MAGI2: variants seen among roughly 807,000 people sequenced by gnomAD.
The protein encoded by MAGI2 is membrane associated guanylate kinase, WW and PDZ domain containing 2, also known as membrane-associated guanylate kinase, WW and PDZ domain-containing protein 2.
Under a neutral mutation model 133.3 loss-of-function variants are expected in MAGI2, and 35 were observed. The ratio of observed to expected loss-of-function variants is 0.26; its 90% CI spans 0.20 to 0.35. The LOEUF (loss-of-function observed/expected upper bound fraction) is 0.35. Ranked by LOEUF, MAGI2 falls within the 10% of genes least tolerant of loss-of-function variation. MAGI2 has a pLI of 1.00. For missense variants in MAGI2, 1,636 were observed against 1,863.4 expected (o/e 0.88, Z 2.25); for synonymous variants, 729 against 710.6 (o/e 1.03, Z -0.41).
At chr7:78,771,153 T>TCTCTCC (rs1294751745) in intron 2 of MAGI2, 1 of 152,038 alleles carries the variant, frequency 6.6e-6, no homozygotes, top group African/African-American at 2.4e-5. Flanking sequence ...TGCCTCTCCC[T>TCTCTCC]CTCTCCCTCT....
intron 2 of MAGI2, among the ~76,000 whole-genome samples, chr7:78,974,824 T>A (rs920361248): frequency 6.6e-6 from 1 of 151,742 alleles, no homozygotes; most frequent in African/African-American, 2.4e-5. Flanking sequence ...AAGAACATCA[T>A]CCACCTAACC....
chr7:79,362,136 T>TA (rs1554458477), intron 1 of MAGI2, among the ~76,000 whole-genome samples: 80 of 151,678 alleles, frequency 5.3e-4, no homozygotes, highest in East Asian at 3.3e-3. Flanking sequence ...AGCTTTTTTT[T>TA]AAAAAAACAA....
At chr7:78,086,638 A>G (rs1816669448) in intron 20 of MAGI2, among the ~76,000 whole-genome samples, 1 of 70,072 alleles carries the variant, frequency 1.4e-5, no homozygotes, top group Non-Finnish European at 3.2e-5. Flanking sequence ...CATTATTATT[A>G]TTATTTTTTT....
rs370204425 is a variant in MAGI2 at position 78,561,640 on chromosome 7, G to T, written c.539-39995C>A. ...GGGAGGTCTCCTGATCTGACATCAG[G>T]GTTGTGGGGTTTGAGAGAACGAGCT... On this transcript the variant is annotated intron_variant, in intron 3 of 21. Transcript: ENST00000354212. Among the ~76,000 whole-genome samples the T allele has an allele frequency of 5.9e-5, 9 of 152,138 alleles. No individual in the cohort carries two copies. In the East Asian group the frequency reaches 9.6e-4, roughly 16 times the overall value.
intron 1 of MAGI2, among the ~76,000 whole-genome samples, chr7:79,417,639 A>G (rs1368921580): frequency 6.6e-6 from 1 of 152,166 alleles, no homozygotes; most frequent in African/African-American, 2.4e-5. Flanking sequence ...GCTGGCAATT[A>G]TAACATGCAG....
chr7:78,725,008 G>C (rs1388441647), intron 2 of MAGI2, among the ~76,000 whole-genome samples: 1 of 152,128 alleles, frequency 6.6e-6, no homozygotes, highest in Non-Finnish European at 1.5e-5. Flanking sequence ...ATAACAAATG[G>C]CTAGCAGGAC....
intron 6 of MAGI2, among the ~76,000 whole-genome samples, chr7:78,439,829 C>T (rs535426620): frequency 6.6e-6 from 1 of 152,146 alleles, no homozygotes; most frequent in African/African-American, 2.4e-5. Flanking sequence ...GGTTTTCTTT[C>T]ATTGGTTTTG....
At chr7:78,375,987 T>C (rs1197982841) in intron 6 of MAGI2, among the ~76,000 whole-genome samples, 1 of 152,180 alleles carries the variant, frequency 6.6e-6, no homozygotes, top group Non-Finnish European at 1.5e-5. Context: ...TATCTTTGTC[T>C]CTTTTTTCCT....
intron 1 of MAGI2, among the ~76,000 whole-genome samples, chr7:79,371,874 G>A (rs930814327): frequency 1.3e-5 from 2 of 152,042 alleles, no homozygotes; most frequent in African/African-American, 4.8e-5. Context: ...TTAACATGTG[G>A]CAGCCAAGAA....
intron 1 of MAGI2, among the ~76,000 whole-genome samples, chr7:79,343,565 T>C (rs1371480467): frequency 2.0e-5 from 3 of 151,848 alleles, no homozygotes; most frequent in Non-Finnish European, 2.9e-5. Context: ...AAAAAAGGCA[T>C]TGGCCCCAAA....
intron 2 of MAGI2, among the ~76,000 whole-genome samples, chr7:78,999,555 C>T (rs1311298782): frequency 6.6e-6 from 1 of 152,120 alleles, no homozygotes; most frequent in African/African-American, 2.4e-5. Flanking sequence ...ACATATATGA[C>T]ATGAAACTAG....
chr7:78,019,899 G>C lies in MAGI2; in HGVS notation c.3784C>G (p.Leu1262Val). The part of the protein sequence containing the change: ...PEVGVSLDDG[L>V]APFSPSHPAP... ...GGATGTGATGGAGAGAATGGAGCGA[G>C]GCCGTCGTCCAGGGAGACGCCTACT... The change falls in exon 22 of 22, where the codon CTC (leucine) becomes GTC (valine). Residue 1262 changes from leucine to valine, a missense_variant. This residue lies in a region of MAGI2 where 354 missense variants were observed against 298.7 expected (regional missense o/e 1.19). Coordinates refer to ENST00000354212, the MANE Select transcript of MAGI2 (RefSeq NM_012301.4). 2.5e-6 allele frequency: 4 copies of C among 1,611,368 alleles called. No individual in the cohort carries two copies. Among genetic ancestry groups the C allele is most frequent in the Non-Finnish European group, 2.5e-6 (3 of 1,179,062 alleles).
At chr7:79,090,997 T>TA (rs1468626085) in intron 1 of MAGI2, among the ~76,000 whole-genome samples, 1 of 151,708 alleles carries the variant, frequency 6.6e-6, no homozygotes. Context: ...TAAGAGCCTT[T>TA]TTTTTTCCTT....
At chr7:79,379,432 G>A (rs1843631562) in intron 1 of MAGI2, among the ~76,000 whole-genome samples, 5 of 151,948 alleles carry the variant, frequency 3.3e-5, no homozygotes, top group Admixed American at 3.3e-4. Flanking sequence ...ACGTGTGCAT[G>A]TGTATTTATA....
chr7:78,247,786 A>G (rs11975867), intron 10 of MAGI2, among the ~76,000 whole-genome samples: 5,728 of 152,286 alleles, frequency 0.038, 354 homozygotes, highest in African/African-American at 0.13. Context: ...ACCCAAAACA[A>G]TAAAAAAGTG....
At chr7:79,337,705 G>C (rs539661036) in intron 1 of MAGI2, among the ~76,000 whole-genome samples, 46 of 152,204 alleles carry the variant, frequency 3.0e-4, no homozygotes, top group African/African-American at 9.6e-4. Context: ...AAAGTGCTTT[G>C]TGTTTTCCAA....
At chr7:79,414,713 A>T (rs905937552) in intron 1 of MAGI2, 2 of 152,142 alleles carry the variant, frequency 1.3e-5, no homozygotes, top group African/African-American at 2.4e-5. Flanking sequence ...GCATTTATTT[A>T]TATATAAATG....
chr7:78,227,905 T>C (rs1422547409), intron 10 of MAGI2, among the ~76,000 whole-genome samples: 1 of 144,970 alleles, frequency 6.9e-6, no homozygotes, highest in African/African-American at 2.5e-5. Flanking sequence ...AGAAGCATCA[T>C]TGGTTATTGT....
At chr7:78,614,591 T>C (rs1297484651) in intron 3 of MAGI2, 1 of 152,190 alleles carries the variant, frequency 6.6e-6, no homozygotes, top group Non-Finnish European at 1.5e-5. Flanking sequence ...TATATTTATA[T>C]ATACTTAGAA....
Sources: allele counts gnomAD v4.1 joint callset (sites outside exome capture counted in the v4.1 genomes callset), GRCh38; gene constraint gnomAD v4.1.1; regional missense constraint gnomAD v4.1.1; transcripts MANE v1.5; gene names NCBI Gene and HGNC (gene_info 2026-07-23, HGNC 2026-07-21).